Variants in ZSCAN25 observed in about 807,000 individuals in gnomAD.
ZSCAN25 encodes the protein zinc finger and SCAN domain containing 25.
ZSCAN25 carries 27 observed loss-of-function variants against 38.7 expected under a neutral mutation model. The ratio of observed to expected loss-of-function variants is 0.70; its 90% CI spans 0.51 to 0.96. The LOEUF (loss-of-function observed/expected upper bound fraction) is 0.96, where lower values mean the gene tolerates loss of function less well. ZSCAN25 is among the 40% of genes least tolerant of loss of function. The pLI, the probability that ZSCAN25 is intolerant of heterozygous loss-of-function variation, is 0.00. For missense variants in ZSCAN25, 637 were observed against 705.9 expected (o/e 0.90, Z 1.11); for synonymous variants, 273 against 277.7 (o/e 0.98, Z 0.17).
chr7:99,730,898 G>T, the ZSCAN25 span: 1 of 886,692 alleles, frequency 1.1e-6, no homozygotes, highest in Non-Finnish European at 1.7e-6. Context: ...TAGCAAGAGA[G>T]CCCCAGGGTA....
chr7:99,692,278 G>A, the ZSCAN25 span, among the ~76,000 whole-genome samples: 1 of 152,204 alleles, frequency 6.6e-6, no homozygotes, highest in African/African-American at 2.4e-5. Context: ...TTAGTCTGGT[G>A]GACTTCCCTT....
At chr7:99,725,631 G>C in the ZSCAN25 span, among the ~76,000 whole-genome samples, 5 of 152,344 alleles carry the variant, frequency 3.3e-5, no homozygotes, top group African/African-American at 1.2e-4. Flanking sequence ...TCCAATTAGA[G>C]GTTGGACTGT....
chr7:99,710,878 C>T, the ZSCAN25 span: 2 of 1,613,668 alleles, frequency 1.2e-6, no homozygotes, highest in Non-Finnish European at 1.7e-6. Flanking sequence ...GCCATGAGCT[C>T]CAGATCAGAC....
At chr7:99,666,245 C>T in the ZSCAN25 span, among the ~76,000 whole-genome samples, 1 of 152,206 alleles carries the variant, frequency 6.6e-6, no homozygotes, top group African/African-American at 2.4e-5. Flanking sequence ...CAATGCAAGG[C>T]AACAAGTACC....
the ZSCAN25 span, among the ~76,000 whole-genome samples, chr7:99,721,635 C>T: frequency 7.2e-5 from 11 of 152,176 alleles, no homozygotes; most frequent in Admixed American, 7.2e-4. Flanking sequence ...CTAGTTTAGA[C>T]CGAAGACCTC....
At chr7:99,698,345 C>T in the ZSCAN25 span, among the ~76,000 whole-genome samples, 1 of 152,298 alleles carries the variant, frequency 6.6e-6, no homozygotes, top group Admixed American at 6.5e-5. Flanking sequence ...GAGATGCCAA[C>T]CTGTTTGCCT....
chr7:99,697,015 C>T, the ZSCAN25 span, among the ~76,000 whole-genome samples: 7 of 152,176 alleles, frequency 4.6e-5, no homozygotes, highest in African/African-American at 7.2e-5. Flanking sequence ...AGGCAGAAGT[C>T]GCTATGCTTC....
At chr7:99,717,134 G>T in the ZSCAN25 span, 25 of 1,612,738 alleles carry the variant, frequency 1.6e-5, no homozygotes, top group South Asian at 2.6e-4. Flanking sequence ...CAGCTGGAGG[G>T]GCTCATGACA....
At chr7:99,646,304 A>G in the ZSCAN25 span, among the ~76,000 whole-genome samples, 1 of 152,106 alleles carries the variant, frequency 6.6e-6, no homozygotes, top group Non-Finnish European at 1.5e-5. Flanking sequence ...GGTGTTTTAT[A>G]GTTTTCATTG....
At chr7:99,709,045 G>A in the ZSCAN25 span, 1 of 1,613,966 alleles carries the variant, frequency 6.2e-7, no homozygotes, top group Non-Finnish European at 8.5e-7. Context: ...CTTTCAGGGA[G>A]GAACTTCTCA....
chr7:99,632,788 TCAAAA>T (rs1308184885), downstream of ZSCAN25, among the ~76,000 whole-genome samples: 2 of 152,178 alleles, frequency 1.3e-5, no homozygotes, highest in South Asian at 4.1e-4. Context: ...AGACCCTGTC[TCAAAA>T]CAAAACAGTT....
rs1351171164 is a variant in ZSCAN25, at chr7:99,629,802, C to G, written c.1417C>G (p.Leu473Val). The G allele has an allele frequency of 9.3e-6, 15 of 1,614,138 alleles. No homozygotes were observed. Among genetic ancestry groups the G allele is most frequent in the Non-Finnish European group, 1.3e-5 (15 of 1,180,042 alleles). The change falls in exon 8 of 8, where the codon CTG (leucine) becomes GTG (valine). Residue 473 changes from leucine (L) to valine (V), a missense_variant. Coordinates refer to ENST00000394152, the MANE Select transcript of ZSCAN25 (RefSeq NM_145115.3). The surrounding 1 kb of genome is among the most constrained non-coding windows in gnomAD (Gnocchi z 5.6). ...CAAGAGCTTCAGCAGGAATGCCAATCTGGCGGTGCACCGGCGTGCCCACAC... is the reference window on the plus strand; with the variant it reads ...CAAGAGCTTCAGCAGGAATGCCAATGTGGCGGTGCACCGGCGTGCCCACAC... ...CGKSFSRNAN[L>V]AVHRRAHTGE...
At chr7:99,638,924 G>C in the ZSCAN25 span, among the ~76,000 whole-genome samples, 1 of 152,186 alleles carries the variant, frequency 6.6e-6, no homozygotes, top group Non-Finnish European at 1.5e-5. Context: ...TCGCTCACTC[G>C]GGCATCACCG....
Position 99,630,554 on chromosome 7 carries a change from C to G in ZSCAN25, c.*534C>G. 1.0e-6 allele frequency: 1 copy of G among 988,662 alleles called. No homozygotes were observed. The highest frequency in any genetic ancestry group is 1.2e-6 in the Non-Finnish European group (1 of 832,228). The allele number at this position is 988,662 out of a possible 1,614,324, so 61.2% of individuals were successfully genotyped here. ...TGCGTTGGGGATGCATGCGACAGCC[C>G]ATGACCCGAGGCATTCTCAGGGTAT... On this transcript the variant is annotated 3_prime_UTR_variant, in exon 8 of 8. Transcript: ENST00000394152.
At chr7:99,638,643 T>C in the ZSCAN25 span, 1 of 1,583,136 alleles carries the variant, frequency 6.3e-7, no homozygotes, top group Non-Finnish European at 8.7e-7. Context: ...CAGTGGGAAT[T>C]GTGGTCACCG....
At chr7:99,731,175 G>A in the ZSCAN25 span, 9 of 1,613,214 alleles carry the variant, frequency 5.6e-6, no homozygotes, top group South Asian at 5.5e-5. Flanking sequence ...ACAAAAATCA[G>A]GTCTCAGGGA....
At chr7:99,674,318 C>G in the ZSCAN25 span, 2 of 424,736 alleles carry the variant, frequency 4.7e-6, no homozygotes, top group Non-Finnish European at 8.4e-6. Flanking sequence ...TTGTTTACCT[C>G]CCTGAATTTG....
At chr7:99,723,211 T>C in the ZSCAN25 span, among the ~76,000 whole-genome samples, 1 of 152,074 alleles carries the variant, frequency 6.6e-6, no homozygotes, top group Non-Finnish European at 1.5e-5. Context: ...AACCAAAAAC[T>C]ACAAATAGGT....
chr7:99,667,916 A>G, the ZSCAN25 span, among the ~76,000 whole-genome samples: 2 of 152,250 alleles, frequency 1.3e-5, no homozygotes, highest in African/African-American at 4.8e-5. Flanking sequence ...TTCTTACTAA[A>G]GAGCATACCT....
Sources: gnomAD v4.1 joint callset for allele counts (sites outside exome capture counted in the v4.1 genomes callset) on GRCh38, gnomAD v4.1.1 for gene constraint, Gnocchi (gnomAD v3.1) non-coding constraint, MANE v1.5 for transcripts, NCBI Gene and HGNC (gene_info 2026-07-23, HGNC 2026-07-21) for gene names.